The following RNF180 variants were observed in gnomAD, a reference collection of about 807,000 sequenced individuals.
RNF180 encodes E3 ubiquitin-protein ligase RNF180.
RNF180 carries 38 observed loss-of-function variants against 59.2 expected under a neutral mutation model. The observed-to-expected ratio is 0.64, with a 90% CI of 0.50 to 0.84. RNF180 has a LOEUF of 0.84. Ranked by LOEUF, RNF180 falls within the 40% of genes least tolerant of loss-of-function variation. The pLI is 0.00. For synonymous variants in RNF180, 262 were observed against 240.3 expected, an observed-to-expected ratio of 1.09 and a Z score of -0.84; for missense variants, 705 against 700.9, an observed-to-expected ratio of 1.01 and a Z score of -0.07.
intron 5 of RNF180, among the ~76,000 whole-genome samples, chr5:64,234,787 G>A (rs1742327919): frequency 6.6e-6 from 1 of 151,364 alleles, no homozygotes; most frequent in Non-Finnish European, 1.5e-5. Context: ...TTTTAGTAGA[G>A]ACAGGGTTTC....
chr5:64,272,625 T>C (rs1363052930), intron 5 of RNF180, among the ~76,000 whole-genome samples: 1 of 151,940 alleles, frequency 6.6e-6, no homozygotes, highest in Non-Finnish European at 1.5e-5. Flanking sequence ...CAAAAATTAT[T>C]AGATGCAAGA....
chr5:64,343,599 A>G (rs1745443050), intron 7 of RNF180, among the ~76,000 whole-genome samples: 1 of 151,838 alleles, frequency 6.6e-6, no homozygotes, highest in Admixed American at 6.6e-5. Context: ...ATATAAAGAA[A>G]AAAATCTTAA....
intron 1 of RNF180, among the ~76,000 whole-genome samples, chr5:64,169,580 C>A (rs1186430800): frequency 2.0e-5 from 3 of 152,200 alleles, no homozygotes; most frequent in African/African-American, 7.2e-5. Flanking sequence ...ATGAACCAAA[C>A]CCACTGAAAT....
chr5:64,346,959 T>C (rs1745583026), intron 7 of RNF180, among the ~76,000 whole-genome samples: 2 of 152,324 alleles, frequency 1.3e-5, no homozygotes, highest in South Asian at 4.1e-4. Context: ...ATATCTGAAC[T>C]ATGATGAAGA....
intron 5 of RNF180, among the ~76,000 whole-genome samples, chr5:64,230,438 A>G (rs749777821): frequency 1.3e-4 from 20 of 152,240 alleles, no homozygotes; most frequent in Admixed American, 4.6e-4. Context: ...ACCTTGGCTC[A>G]TACAAAACTT....
intron 5 of RNF180, among the ~76,000 whole-genome samples, chr5:64,248,042 ACTAG>A (rs919486773): frequency 5.3e-5 from 8 of 152,210 alleles, no homozygotes; most frequent in African/African-American, 1.7e-4. Context: ...TTTTTGGGAA[ACTAG>A]CTAGCCATAC....
intron 1 of RNF180, among the ~76,000 whole-genome samples, chr5:64,168,731 T>C (rs769254867): frequency 6.6e-6 from 1 of 152,170 alleles, no homozygotes; most frequent in African/African-American, 2.4e-5. Context: ...CAAGGCAATA[T>C]AGCCTCAAAA....
At position 64,173,503 on chromosome 5, in the gene RNF180, G is replaced by A. The variant is rs531635407; in HGVS notation, c.-1+7550G>A. Among the ~76,000 whole-genome samples, 6 of 152,132 alleles carry A rather than the reference G, an allele frequency of 3.9e-5. 1 individual carries two copies. Among genetic ancestry groups the A allele is most frequent in the Middle Eastern group, 3.4e-3 (1 of 294 alleles). On this transcript the variant is annotated intron_variant, in intron 1 of 7. Transcript: ENST00000389100. ...CAAAATTCTCTCTTCTTGGTATTTT[G>A]AAATATATACAATATAGTGTCGTTA...
chr5:64,344,775 T>G (rs1745489801), intron 7 of RNF180, among the ~76,000 whole-genome samples: 1 of 151,942 alleles, frequency 6.6e-6, no homozygotes, highest in Admixed American at 6.6e-5. Context: ...TCTCTTCTGC[T>G]TGTTACAGGT....
intron 7 of RNF180, among the ~76,000 whole-genome samples, chr5:64,343,099 T>C (rs1191980840): frequency 1.3e-5 from 2 of 151,980 alleles, no homozygotes; most frequent in African/African-American, 4.8e-5. Flanking sequence ...AATTATGATA[T>C]ATGCAAAAGG....
At chr5:64,291,916 T>G (rs1742608510) in intron 5 of RNF180, among the ~76,000 whole-genome samples, 1 of 152,200 alleles carries the variant, frequency 6.6e-6, no homozygotes, top group African/African-American at 2.4e-5. Context: ...GATTCTGTCC[T>G]TCGCTTGATC....
At chr5:64,196,257 G>A (rs1751453286) in intron 1 of RNF180, among the ~76,000 whole-genome samples, 1 of 151,836 alleles carries the variant, frequency 6.6e-6, no homozygotes, top group South Asian at 2.1e-4. Flanking sequence ...CATTAGCTAG[G>A]AGTCCTGCTA....
rs1428887924 is a variant in RNF180, at chr5:64,168,408, A to G, written c.-1+2455A>G. On this transcript the variant is annotated intron_variant, in intron 1 of 7. Transcript: ENST00000389100. Reference sequence around the variant, plus strand: ...CATTGTTAGAATTTGCAACCTTCCCAGAAGTCTACTACAAAGGGGACAGTG... The same window carrying G: ...CATTGTTAGAATTTGCAACCTTCCCGGAAGTCTACTACAAAGGGGACAGTG... Among the ~76,000 whole-genome samples the G allele has an allele frequency of 3.3e-5, 5 of 152,336 alleles. No homozygotes were observed. In the East Asian group the frequency reaches 5.8e-4, roughly 18 times the overall value.
intron 5 of RNF180, among the ~76,000 whole-genome samples, chr5:64,262,975 A>C (rs1357248556): frequency 6.6e-6 from 1 of 152,186 alleles, no homozygotes. Flanking sequence ...AGTCCCAACA[A>C]GATGTAAAAT....
intron 7 of RNF180, among the ~76,000 whole-genome samples, chr5:64,334,890 G>A (rs1745056460): frequency 6.6e-6 from 1 of 152,178 alleles, no homozygotes; most frequent in African/African-American, 2.4e-5. Flanking sequence ...GAACATAAGA[G>A]TTACTCTAGA....
chr5:64,337,525 C>CA (rs1554044784), intron 7 of RNF180, among the ~76,000 whole-genome samples: 6 of 151,676 alleles, frequency 4.0e-5, no homozygotes, highest in African/African-American at 1.5e-4. Context: ...TTTTATTATA[C>CA]TTTAAGTTTT....
intron 5 of RNF180, among the ~76,000 whole-genome samples, chr5:64,289,902 T>C (rs1742484981): frequency 6.6e-6 from 1 of 152,168 alleles, no homozygotes; most frequent in Non-Finnish European, 1.5e-5. Context: ...GCTCTGATTT[T>C]GGTTATTTCT....
At chr5:64,325,574 C>T (rs1298252675) in intron 6 of RNF180, among the ~76,000 whole-genome samples, 163 bp downstream of exon 6, 1 of 152,182 alleles carries the variant, frequency 6.6e-6, no homozygotes, top group African/African-American at 2.4e-5. Context: ...CTGTTAGAAT[C>T]ATAGATGAGA....
intron 5 of RNF180, among the ~76,000 whole-genome samples, chr5:64,295,099 TAA>T (rs1742816341): frequency 6.6e-6 from 1 of 152,190 alleles, no homozygotes; most frequent in Non-Finnish European, 1.5e-5. Flanking sequence ...GTTGAGTATA[TAA>T]GTTTTTTCCT....
Sources: gnomAD v4.1 joint callset for allele counts (sites outside exome capture counted in the v4.1 genomes callset) on GRCh38, gnomAD v4.1.1 for gene constraint, MANE v1.5 for transcripts, NCBI Gene and HGNC (gene_info 2026-07-23, HGNC 2026-07-21) for gene names.